AHNAK: variants seen among roughly 807,000 people sequenced by gnomAD.
AHNAK encodes the protein AHNAK nucleoprotein.
In AHNAK, 23 loss-of-function variants were observed where a neutral mutation model predicts 37.8. The observed-to-expected ratio is 0.61, with a 90% confidence interval of 0.44 to 0.86. The LOEUF is 0.86. AHNAK is among the 40% of genes least tolerant of loss of function. AHNAK has a pLI of 0.00. For synonymous variants in AHNAK, 2,481 were observed against 2,636.3 expected, an observed-to-expected ratio of 0.94 and a Z score of 1.80; for missense variants, 7,411 against 7,319.4, an observed-to-expected ratio of 1.01 and a Z score of -0.46.
Position 62,535,078 on chromosome 11 carries a change from C to G in AHNAK, c.267G>C (p.Lys89Asn), listed in dbSNP as rs371738779. The G allele has an allele frequency of 6.2e-7, 1 of 1,614,064 alleles. No individual in the cohort carries two copies. The highest frequency in any genetic ancestry group is 8.5e-7 in the Non-Finnish European group (1 of 1,179,960). ...HHTVGLKLHRKGDRSPEPGQT... is the reference protein window; with the variant it reads ...HHTVGLKLHRNGDRSPEPGQT... ...GGCCAGGCTCGGGAGAGCGGTCCCC[C>G]TTGCGGTGCAGCTTCAGGCCCACCG... is the stretch of plus-strand genomic sequence containing the variant. Residue 89 changes from lysine to asparagine, a missense_variant, in exon 4 of 5, where the codon AAG becomes AAC. Physicochemically the swap from Lys to Asn is moderately conservative, Grantham distance 94. Coordinates refer to ENST00000378024, the MANE Select transcript of AHNAK (RefSeq NM_001620.3).
chr11:62,507,867 A>G (rs1034258456), intron 4 of AHNAK, among the ~76,000 whole-genome samples: 3 of 152,236 alleles, frequency 2.0e-5, no homozygotes, highest in African/African-American at 7.2e-5. Flanking sequence ...AGCAGAACTG[A>G]TAACTGATAT....
At position 62,520,110 on chromosome 11, in the gene AHNAK, C is replaced by A. The variant is rs751188868; in HGVS notation, c.14307G>T (p.Val4769=). 1.2e-6 allele frequency: 2 copies of A among 1,611,766 alleles called. No homozygotes were observed. Among genetic ancestry groups the A allele is most frequent in the Admixed American group, 1.7e-5 (1 of 59,728 alleles). Residue 4769 remains valine (V), a synonymous_variant, in exon 5 of 5, where the codon GTG becomes GTT. Coordinates refer to ENST00000378024, the MANE Select transcript of AHNAK (RefSeq NM_001620.3). Reference sequence around the variant, plus strand: ...GGTGCCAGTCTGGGCCATGAACATCCACATCAGGGGTGTTGATGTCCACTT... The same window carrying A: ...GGTGCCAGTCTGGGCCATGAACATCAACATCAGGGGTGTTGATGTCCACTT... ...GPKVDINTPD[V]DVHGPDWHLK...
At chr11:62,478,904 C>T (rs564836124) in intron 5 of AHNAK, among the ~76,000 whole-genome samples, 1 of 152,160 alleles carries the variant, frequency 6.6e-6, no homozygotes, top group South Asian at 2.1e-4. Context: ...AAAACAGAGT[C>T]TTGCTCTGTC....
chr11:62,499,140 A>G (rs1427971358), intron 4 of AHNAK, among the ~76,000 whole-genome samples: 1 of 152,232 alleles, frequency 6.6e-6, no homozygotes, highest in Non-Finnish European at 1.5e-5. Flanking sequence ...GGCATGACGT[A>G]GATGAACTCT....
Position 62,523,557 on chromosome 11 carries a change from A to G in AHNAK, c.10860T>C (p.Pro3620=), listed in dbSNP as rs115138639. The change falls in exon 5 of 5, where the codon CCT becomes CCC. Residue 3620 remains proline, a synonymous_variant. Transcript: ENST00000378024. The part of the protein sequence containing the change: ...FSMPGFKGEG[P]EVDVTLPKAD... ...CTTTAGGGAGGGTAACATCGACTTC[A>G]GGGCCTTCTCCTTTGAAGCCAGGCA... The G allele has an allele frequency of 4.5e-4, 720 of 1,609,098 alleles. 3 individuals carry two copies. In the African/African-American group the frequency reaches 8.4e-3, roughly 19 times the overall value.
chr11:62,515,997 CATG>C lies in AHNAK; in HGVS notation c.*744_*746del. The stretch of plus-strand genomic sequence containing the variant: ...TTAAAGTGCTGGAAATTTTCTTAAT[CATG>C]ATAACATTTGTTAAAAAGAAATCAG... On this transcript the variant is annotated 3_prime_UTR_variant, in exon 5 of 5. Transcript: ENST00000378024. 1 of 1,165,622 alleles carries C rather than the reference CATG, an allele frequency of 8.6e-7. No individual in the cohort carries two copies. The highest frequency in any genetic ancestry group is 1.1e-6 in the Non-Finnish European group (1 of 928,290). 72.2% of individuals were successfully genotyped at this position (1,165,622 alleles called of 1,614,324 possible).
Position 62,529,816 on chromosome 11 carries a change from A to T in AHNAK, c.4601T>A (p.Leu1534Gln), listed in dbSNP as rs766160367. Residue 1534 changes from leucine to glutamine, a missense_variant, in exon 5 of 5, where the codon CTG becomes CAG. Leu to Gln is a moderately radical substitution (Grantham distance 113, BLOSUM62 -2). Transcript: ENST00000378024. Reference protein sequence around the residue: ...KGEGPEVDMNLPKADLGVSGP... With the variant: ...KGEGPEVDMNQPKADLGVSGP... ...TGAAACACCAAGGTCAGCCTTGGGCAGGTTCATATCCACCTCTGGGCCCTC... is the reference window on the plus strand; with the variant it reads ...TGAAACACCAAGGTCAGCCTTGGGCTGGTTCATATCCACCTCTGGGCCCTC... The T allele has an allele frequency of 1.2e-6, 2 of 1,614,134 alleles. No homozygotes were observed. The highest frequency in any genetic ancestry group is 3.3e-5 in the Admixed American group (2 of 60,012).
chr11:62,460,188 G>A (rs952662099), intron 5 of AHNAK, among the ~76,000 whole-genome samples: 1 of 151,996 alleles, frequency 6.6e-6, no homozygotes, highest in African/African-American at 2.4e-5. Context: ...TCGGGAGGCT[G>A]AGGCACGAGA....
intron 1 of AHNAK, among the ~76,000 whole-genome samples, chr11:62,538,854 T>A (rs999185420): frequency 6.6e-6 from 1 of 152,190 alleles, no homozygotes. Flanking sequence ...GTCTTGAAGG[T>A]GCTACAGGTG....
At chr11:62,492,100 A>G (rs1590627001) in intron 4 of AHNAK, among the ~76,000 whole-genome samples, 1 of 152,252 alleles carries the variant, frequency 6.6e-6, no homozygotes, top group African/African-American at 2.4e-5. Context: ...AAAGGGGACA[A>G]TGCTATCTCC....
chr11:62,477,262 G>A (rs188724440), intron 5 of AHNAK, among the ~76,000 whole-genome samples: 1 of 152,092 alleles, frequency 6.6e-6, no homozygotes, highest in Non-Finnish European at 1.5e-5. Flanking sequence ...TGATTGTAAC[G>A]CTTCCTATTT....
At chr11:62,540,583 A>G (rs1345536067) in intron 1 of AHNAK, among the ~76,000 whole-genome samples, 2 of 152,182 alleles carry the variant, frequency 1.3e-5, no homozygotes, top group African/African-American at 4.8e-5. Flanking sequence ...GCCAAGACAC[A>G]CTGATCGCTT....
At chr11:62,511,099 A>G (rs1372217123), downstream of AHNAK, among the ~76,000 whole-genome samples, 1 of 152,198 alleles carries the variant, frequency 6.6e-6, no homozygotes, top group Non-Finnish European at 1.5e-5. Flanking sequence ...CTGGAGACAT[A>G]GCAATATTTC....
intron 5 of AHNAK, among the ~76,000 whole-genome samples, chr11:62,453,528 G>C (rs532850039): frequency 2.0e-5 from 3 of 152,186 alleles, no homozygotes; most frequent in Non-Finnish European, 4.4e-5. Context: ...GTCAACAGCA[G>C]AACCAGGATT....
Position 62,517,483 on chromosome 11 carries a change from GGCCCAGACACACTCA to G in AHNAK, c.16919_16933del (p.Leu5640_Gly5644del), listed in dbSNP as rs1214189983. 6.2e-7 allele frequency: 1 copy of G among 1,614,000 alleles called. No homozygotes were observed. The highest frequency in any genetic ancestry group is 1.3e-5 in the African/African-American group (1 of 74,894). On this transcript the variant is annotated inframe_deletion, in exon 5 of 5. Coordinates refer to ENST00000378024, the MANE Select transcript of AHNAK (RefSeq NM_001620.3). Reference sequence around the variant, plus strand: ...AGATCCACTTTCCAAGTGACCTTGAGGCCCAGACACACTCAGCCCAGGAGCCTGGAGTCCAATCTG... The same window carrying G: ...AGATCCACTTTCCAAGTGACCTTGAGGCCCAGGAGCCTGGAGTCCAATCTG...
chr11:62,529,732 A>C lies in AHNAK; in HGVS notation c.4685T>G (p.Leu1562Arg). ...DVNLEAPEGK[L>R]KGPKFKMPSM... ...TGGCATCTTGAACTTAGGGCCTTTT[A>C]GTTTCCCCTCTGGAGCTTCAAGATT... The change falls in exon 5 of 5, where the codon CTA becomes CGA. Residue 1562 changes from leucine to arginine, a missense_variant. Coordinates refer to ENST00000378024, the MANE Select transcript of AHNAK (RefSeq NM_001620.3). 1 of 1,614,076 alleles carries C rather than the reference A, an allele frequency of 6.2e-7. No homozygotes were observed. The highest frequency in any genetic ancestry group is 8.5e-7 in the Non-Finnish European group (1 of 1,180,024).
In AHNAK at chr11:62,520,797, G is replaced by A; in HGVS notation, c.13620C>T (p.Ser4540=). 17 of 1,613,910 alleles carry A rather than the reference G, an allele frequency of 1.1e-5. No homozygotes were observed. The highest frequency in any genetic ancestry group is 3.3e-5 in the South Asian group (3 of 91,042). The change falls in exon 5 of 5, where the codon TCC becomes TCT. Residue 4540 remains serine (S), a synonymous_variant. Coordinates refer to ENST00000378024, the MANE Select transcript of AHNAK (RefSeq NM_001620.3). Reference sequence around the variant, plus strand: ...TCAGATCTCCCTCCAGTTTAGGAACGGAAATGTCCATATCTCCTTTTATCT... The same window carrying A: ...TCAGATCTCCCTCCAGTTTAGGAACAGAAATGTCCATATCTCCTTTTATCT... ...GPKIKGDMDI[S]VPKLEGDLKG...
chr11:62,486,408 C>T (rs951865277), intron 5 of AHNAK, among the ~76,000 whole-genome samples: 1 of 151,654 alleles, frequency 6.6e-6, no homozygotes, highest in Non-Finnish European at 1.5e-5. Context: ...AGGAGGCGGA[C>T]GTTGCGGTGA....
chr11:62,480,886 C>G (rs1409414876), intron 5 of AHNAK, among the ~76,000 whole-genome samples: 2 of 150,590 alleles, frequency 1.3e-5, no homozygotes, highest in Non-Finnish European at 2.9e-5. Context: ...AAGAAATGCT[C>G]GTTGCCTAGG....
Sources: allele counts gnomAD v4.1 joint callset (sites outside exome capture counted in the v4.1 genomes callset), GRCh38; gene constraint gnomAD v4.1.1; transcripts MANE v1.5; gene names NCBI Gene and HGNC (gene_info 2026-07-23, HGNC 2026-07-21).